The following MYOM2 variants were observed in gnomAD, a reference collection of about 807,000 sequenced individuals.
The protein encoded by MYOM2 is myomesin-2.
Under a neutral mutation model 187.6 loss-of-function variants are expected in MYOM2, and 254 were observed. That is an observed-to-expected ratio of 1.35 (90% confidence interval 1.22 to 1.50). MYOM2 has a LOEUF of 1.50. Among genes scored for constraint, MYOM2 ranks in the 40% most tolerant of loss-of-function variants. The probability of loss-of-function intolerance (pLI) is 0.00; values close to 1 mark genes in which losing one functional copy is unlikely to be tolerated. For missense variants in MYOM2, 2,796 were observed against 1,924.0 expected (o/e 1.45, Z -8.48); for synonymous variants, 981 against 753.8 (o/e 1.30, Z -4.94).
chr8:2,105,813 A>T (rs1321255422), intron 21 of MYOM2, among the ~76,000 whole-genome samples: 1 of 152,188 alleles, frequency 6.6e-6, no homozygotes, highest in African/African-American at 2.4e-5. Flanking sequence ...AGGTCTCTGC[A>T]TTGGGTACCC....
chr8:2,068,181 C>G (rs528508086), intron 6 of MYOM2, among the ~76,000 whole-genome samples: 3 of 151,088 alleles, frequency 2.0e-5, no homozygotes, highest in African/African-American at 7.3e-5. Flanking sequence ...CCTGTGCACA[C>G]CAGGCCGAGA....
At chr8:2,115,147 C>T (rs1263150205) in intron 25 of MYOM2, among the ~76,000 whole-genome samples, 1 of 138,478 alleles carries the variant, frequency 7.2e-6, no homozygotes, top group Non-Finnish European at 1.5e-5. Context: ...TATCAAGCCC[C>T]CAAATAAGGC....
In MYOM2 at chr8:2,090,019, G is replaced by A; in HGVS notation, c.1656G>A (p.Gly552=). ...LMYFIEKSVV[G]SGSWQRVNAQ... ...GTTTCTCTTTGTAGTCCGTGGTGGG[G>A]AGCGGCAGCTGGCAGAGAGTCAACG... The change falls in exon 15 of 37, where the codon GGG becomes GGA. Residue 552 remains glycine (G), a synonymous_variant. Coordinates refer to ENST00000262113, the MANE Select transcript of MYOM2 (RefSeq NM_003970.4). 1 of 1,613,864 alleles carries A rather than the reference G, an allele frequency of 6.2e-7. No homozygotes were observed. The highest frequency in any genetic ancestry group is 8.5e-7 in the Non-Finnish European group (1 of 1,179,884).
At chr8:2,076,552 C>A (rs897884352) in intron 11 of MYOM2, 1 of 435,532 alleles carries the variant, frequency 2.3e-6, no homozygotes, top group South Asian at 3.0e-5. Flanking sequence ...ATCCCACCAA[C>A]GTCTTCAGGC....
chr8:2,088,861 C>A (rs977346838), intron 14 of MYOM2, among the ~76,000 whole-genome samples: 3 of 152,246 alleles, frequency 2.0e-5, no homozygotes, highest in African/African-American at 7.2e-5. Context: ...AGTGACTGAG[C>A]TAATGACATT....
rs1427441204 is a variant in MYOM2 at position 2,106,539 on chromosome 8, C to G, written c.2940C>G (p.Tyr980Ter). ...KNPDKEDLGT[Y>*]SVSVSDTDGV... The stretch of plus-strand genomic sequence containing the variant: ...CGGATAAGGAGGATTTAGGGACTTA[C>G]TCCGTGTCTGTAAGTGATACAGACG... Residue 980 changes from tyrosine to a stop codon, truncating the protein, a stop_gained, in exon 23 of 37, where the codon TAC becomes TAG. Transcript: ENST00000262113. LOFTEE classifies it high-confidence loss of function. 1 of 1,612,410 alleles carries G rather than the reference C, an allele frequency of 6.2e-7. No homozygotes were observed.
intron 10 of MYOM2, among the ~76,000 whole-genome samples, chr8:2,075,862 G>A (rs1039433084): frequency 2.6e-5 from 4 of 152,234 alleles, no homozygotes; most frequent in Non-Finnish European, 5.9e-5. Flanking sequence ...GCAGGACCAA[G>A]AGAAGATGAC....
intron 14 of MYOM2, among the ~76,000 whole-genome samples, chr8:2,086,652 C>A (rs1239590988): frequency 6.6e-6 from 1 of 152,260 alleles, no homozygotes; most frequent in Admixed American, 6.5e-5. Flanking sequence ...AAATTGGCAC[C>A]AGGGGGCTGG....
At chr8:2,078,593 A>G (rs1045974185) in intron 11 of MYOM2, 141 bp from the exon 12 acceptor site, 2 of 709,820 alleles carry the variant, frequency 2.8e-6, no homozygotes, top group Admixed American at 4.9e-5. Context: ...TATACAAGTC[A>G]ATATCTTAGC....
intron 13 of MYOM2, among the ~76,000 whole-genome samples, chr8:2,083,049 A>T (rs1819683429): frequency 6.6e-6 from 1 of 152,222 alleles, no homozygotes; most frequent in South Asian, 2.1e-4. Flanking sequence ...TAAGTGGAGG[A>T]AACCAATAGT....
At chr8:2,138,778 A>C (rs1798170803) in intron 32 of MYOM2, among the ~76,000 whole-genome samples, 1 of 152,162 alleles carries the variant, frequency 6.6e-6, no homozygotes, top group Non-Finnish European at 1.5e-5. Flanking sequence ...GCACATGGGC[A>C]GTGTTAGATC....
Position 2,076,282 on chromosome 8 carries a change from G to T in MYOM2, c.1262G>T (p.Arg421Leu), listed in dbSNP as rs536708249. The T allele has an allele frequency of 1.9e-6, 3 of 1,613,228 alleles. No individual in the cohort carries two copies. The highest frequency in any genetic ancestry group is 1.7e-5 in the Admixed American group (1 of 59,918). ...ESPVMGYFVDRCEVGTNNWVQ... is the reference protein window; with the variant it reads ...ESPVMGYFVDLCEVGTNNWVQ... ...CCCGTCATGGGCTATTTTGTGGACC[G>T]GTGAGCGTCTTGCATTCTCCCGGGG... Residue 421 changes from arginine to leucine, a missense_variant and splice_region_variant, in exon 11 of 37, where the codon CGA becomes CTA. By Grantham distance (102) the Arg-to-Leu change is moderately radical. Transcript: ENST00000262113.
chr8:2,089,039 G>A (rs58524877), intron 14 of MYOM2, among the ~76,000 whole-genome samples: 2,620 of 152,160 alleles, frequency 0.017, 74 homozygotes, highest in African/African-American at 0.06. Context: ...CAAAATAGCG[G>A]CTTTTCACTT....
intron 32 of MYOM2, among the ~76,000 whole-genome samples, chr8:2,136,306 CATGT>C (rs1441047948): frequency 2.6e-5 from 4 of 152,276 alleles, no homozygotes; most frequent in South Asian, 2.1e-4. Flanking sequence ...TGCATGCATG[CATGT>C]GTTTACCCTG....
chr8:2,055,572 T>C (rs1818636639), intron 3 of MYOM2, among the ~76,000 whole-genome samples: 1 of 152,190 alleles, frequency 6.6e-6, no homozygotes, highest in African/African-American at 2.4e-5. Flanking sequence ...TAAATCCACA[T>C]TCCTTTCATG....
intron 6 of MYOM2, among the ~76,000 whole-genome samples, 196 bp downstream of exon 6, chr8:2,059,441 A>G (rs1818779924): frequency 6.6e-6 from 1 of 152,144 alleles, no homozygotes; most frequent in Admixed American, 6.5e-5. Flanking sequence ...GTCTGGCCAG[A>G]GGAATGCAAA....
At chr8:2,100,750 G>C in intron 19 of MYOM2, 126 bp from the exon 20 acceptor site, 1 of 854,512 alleles carries the variant, frequency 1.2e-6, no homozygotes, top group Non-Finnish European at 1.8e-6. Context: ...ATCAGATGGG[G>C]AACAGATACG....
At chr8:2,127,668 A>G (rs1407718120) in intron 31 of MYOM2, 1 of 144,034 alleles carries the variant, frequency 6.9e-6, no homozygotes, top group Non-Finnish European at 1.5e-5. Context: ...CCTCGGCGTG[A>G]CGCGGTGACG....
intron 6 of MYOM2, among the ~76,000 whole-genome samples, chr8:2,067,934 G>T (rs3779853): frequency 0.33 from 50,554 of 151,906 alleles, 10,220 homozygotes; most frequent in Middle Eastern, 0.48. Context: ...TAGGGTTGTA[G>T]AATCTGCTTT....
Sources: gnomAD v4.1 joint callset for allele counts (sites outside exome capture counted in the v4.1 genomes callset) on GRCh38, gnomAD v4.1.1 for gene constraint, MANE v1.5 for transcripts, NCBI Gene and HGNC (gene_info 2026-07-23, HGNC 2026-07-21) for gene names.